The following KDM4C variants were observed in gnomAD, a reference collection of about 807,000 sequenced individuals.
The protein encoded by KDM4C is lysine demethylase 4C.
In KDM4C, 81 loss-of-function variants were observed where a neutral mutation model predicts 129.3. That is an observed-to-expected ratio of 0.63 (90% confidence interval 0.52 to 0.75). KDM4C has a LOEUF of 0.75. KDM4C is among the 30% of genes least tolerant of loss of function. KDM4C has a pLI of 0.00. For synonymous variants in KDM4C, 573 were observed against 456.1 expected (o/e 1.26, Z -3.26); for missense variants, 1,457 against 1,304.0 (o/e 1.12, Z -1.81).
At position 6,758,487 on chromosome 9, in the gene KDM4C, G is replaced by A. The variant is rs889789089; in HGVS notation, c.-18+284G>A. On this transcript the variant is annotated intron_variant, in intron 1 of 21. Transcript: ENST00000381309. This position sits in a 1 kb window ranked among gnomAD's most constrained non-coding sequence, Gnocchi z 4.6. ...CGTTTTCCCGGGATCCGGAGTCGGGGTCGCCTCCTTGGGGCAGAGGAGCGC... is the reference window on the plus strand; with the variant it reads ...CGTTTTCCCGGGATCCGGAGTCGGGATCGCCTCCTTGGGGCAGAGGAGCGC... 6.6e-6 allele frequency among the ~76,000 whole-genome samples: 1 copy of A among 152,230 alleles called. No homozygotes were observed. Among genetic ancestry groups the A allele is most frequent in the African/African-American group, 2.4e-5 (1 of 41,466 alleles).
intron 15 of KDM4C, among the ~76,000 whole-genome samples, chr9:7,018,838 A>G (rs1320618031): frequency 6.6e-6 from 1 of 152,254 alleles, no homozygotes; most frequent in Non-Finnish European, 1.5e-5. Flanking sequence ...GCATCTTTCT[A>G]TTAATTTTAA....
At chr9:6,897,478 C>G (rs1349194629) in intron 8 of KDM4C, among the ~76,000 whole-genome samples, 3 of 152,140 alleles carry the variant, frequency 2.0e-5, no homozygotes, top group Non-Finnish European at 4.4e-5. Flanking sequence ...AAGGGCCTTG[C>G]ATTTAGCAGG....
intron 19 of KDM4C, among the ~76,000 whole-genome samples, chr9:7,160,205 A>G (rs1326932224): frequency 6.6e-6 from 1 of 151,840 alleles, no homozygotes; most frequent in Non-Finnish European, 1.5e-5. Context: ...TCTTCTCCAC[A>G]CTGTTTATTC....
At chr9:6,819,352 T>G (rs1054167864) in intron 4 of KDM4C, among the ~76,000 whole-genome samples, 1 of 152,244 alleles carries the variant, frequency 6.6e-6, no homozygotes, top group Non-Finnish European at 1.5e-5. Context: ...GACTTTAGAC[T>G]TCAGATTTGT....
At chr9:6,893,026 T>C in intron 7 of KDM4C, 69 bp from the exon 8 acceptor site, 2 of 1,191,654 alleles carry the variant, frequency 1.7e-6, no homozygotes, top group Non-Finnish European at 2.2e-6. Context: ...ATGGGAAATA[T>C]ATTTTAATTG....
At chr9:6,722,361 C>T (rs918648027) in intron 1 of KDM4C, among the ~76,000 whole-genome samples, 7 of 152,230 alleles carry the variant, frequency 4.6e-5, no homozygotes, top group African/African-American at 1.7e-4. Flanking sequence ...TCTGATAGTA[C>T]ATGCTACCCA....
At chr9:6,744,952 G>T (rs956829365) in intron 1 of KDM4C, among the ~76,000 whole-genome samples, 1 of 152,108 alleles carries the variant, frequency 6.6e-6, no homozygotes. Flanking sequence ...TGGGATGGAG[G>T]TGCACGGCCA....
chr9:6,888,796 T>TGCTTGTGACTAAATCTTCACA (rs1845664302), intron 7 of KDM4C, among the ~76,000 whole-genome samples: 1 of 134,048 alleles, frequency 7.5e-6, no homozygotes, highest in African/African-American at 2.9e-5. Flanking sequence ...TTTTTTTTTT[T>TGCTTGTGACTAAATCTTCACA]TTTTTTTTTG....
intron 19 of KDM4C, among the ~76,000 whole-genome samples, chr9:7,153,387 G>A (rs1020879778): frequency 3.9e-5 from 6 of 152,266 alleles, no homozygotes; most frequent in Admixed American, 6.5e-5. Context: ...CCATTCCTCC[G>A]GTGCTTGGTG....
At chr9:6,737,554 C>G (rs1817563064) in intron 1 of KDM4C, among the ~76,000 whole-genome samples, 1 of 149,272 alleles carries the variant, frequency 6.7e-6, no homozygotes. Flanking sequence ...ATCCCAGTTA[C>G]TTGGGAGCCT....
intron 17 of KDM4C, among the ~76,000 whole-genome samples, chr9:7,100,400 C>T (rs1358022501): frequency 5.3e-5 from 8 of 152,014 alleles, no homozygotes; most frequent in East Asian, 3.8e-4. Context: ...AGTGCAATGC[C>T]GTGATTTTGG....
At chr9:6,802,296 A>G (rs1329403685) in intron 2 of KDM4C, among the ~76,000 whole-genome samples, 1 of 152,186 alleles carries the variant, frequency 6.6e-6, no homozygotes, top group Non-Finnish European at 1.5e-5. Context: ...ACTCTCGTAT[A>G]TTGCAGTTGG....
chr9:6,832,902 A>AT (rs35311426), intron 4 of KDM4C, among the ~76,000 whole-genome samples: 40,873 of 134,124 alleles, frequency 0.3, 5,717 homozygotes, highest in Middle Eastern at 0.39. Context: ...TAATTTTTGT[A>AT]TTTTTTTTTT....
At chr9:6,837,283 C>G (rs1836054438) in intron 4 of KDM4C, among the ~76,000 whole-genome samples, 1 of 152,156 alleles carries the variant, frequency 6.6e-6, no homozygotes, top group Non-Finnish European at 1.5e-5. Context: ...ATCCCAAACT[C>G]CTGGACTCAA....
intron 19 of KDM4C, among the ~76,000 whole-genome samples, chr9:7,160,167 G>C (rs1056974998): frequency 2.0e-5 from 3 of 152,134 alleles, no homozygotes; most frequent in African/African-American, 7.2e-5. Context: ...TCGTGCCATG[G>C]TTTTCAGCTC....
chr9:6,948,328 A>G (rs1355204338), intron 8 of KDM4C: 1 of 152,232 alleles, frequency 6.6e-6, no homozygotes, highest in Non-Finnish European at 1.5e-5. Flanking sequence ...TTAAGCAGAA[A>G]TGCAGTACCT....
chr9:6,994,032 G>T (rs543436175), intron 12 of KDM4C, among the ~76,000 whole-genome samples: 23 of 152,220 alleles, frequency 1.5e-4, no homozygotes, highest in Admixed American at 1.1e-3. Context: ...TGGGGCAGGG[G>T]TATAGGGGTG....
At chr9:6,864,604 G>A (rs1220837411) in intron 5 of KDM4C, among the ~76,000 whole-genome samples, 1 of 151,634 alleles carries the variant, frequency 6.6e-6, no homozygotes, top group African/African-American at 2.4e-5. Flanking sequence ...CCATAGCTGG[G>A]ATTACAGGCA....
chr9:6,813,540 A>C (rs139227933), intron 3 of KDM4C, among the ~76,000 whole-genome samples: 45 of 152,328 alleles, frequency 3.0e-4, no homozygotes, highest in Admixed American at 2.9e-3. Context: ...TAGTCAATCT[A>C]AAATGTCCAG....
Sources: allele counts gnomAD v4.1 joint callset (sites outside exome capture counted in the v4.1 genomes callset), GRCh38; gene constraint gnomAD v4.1.1; non-coding constraint Gnocchi (gnomAD v3.1); transcripts MANE v1.5; gene names NCBI Gene and HGNC (gene_info 2026-07-23, HGNC 2026-07-21).